PTPRD: variants seen among roughly 807,000 people sequenced by gnomAD.
PTPRD encodes protein tyrosine phosphatase receptor type D.
In PTPRD, 34 loss-of-function variants were observed where a neutral mutation model predicts 214.5. The observed-to-expected ratio is 0.16, with a 90% CI of 0.12 to 0.21. The LOEUF is 0.21. Ranked by LOEUF, PTPRD falls within the 10% of genes least tolerant of loss-of-function variation. The probability of loss-of-function intolerance (pLI) is 1.00; values close to 1 mark genes in which losing one functional copy is unlikely to be tolerated. For missense variants in PTPRD, 2,545 were observed against 2,398.7 expected, an observed-to-expected ratio of 1.06 and a Z score of -1.27; for synonymous variants, 1,128 against 845.7, an observed-to-expected ratio of 1.33 and a Z score of -5.79.
intron 9 of PTPRD, among the ~76,000 whole-genome samples, chr9:9,237,333 G>A (rs2099967457): frequency 2.6e-5 from 4 of 152,084 alleles, no homozygotes; most frequent in South Asian, 2.1e-4. Flanking sequence ...GGGAGGCCAA[G>A]GCAGGAGGAT....
At position 8,532,059 on chromosome 9, in the gene PTPRD, G is replaced by T. The variant is rs56280254; in HGVS notation, c.353-3280C>A. Among the ~76,000 whole-genome samples, 319 of 152,056 alleles carry T rather than the reference G, an allele frequency of 2.1e-3. 1 individual carries two copies. The highest frequency in any genetic ancestry group is 3.9e-3 in the Non-Finnish European group (267 of 67,970). ...TAATGGGACAGAAAATGTAAAGAGCGTTCCTTTCTTATTTTTAATAAGGGT... is the reference window on the plus strand; with the variant it reads ...TAATGGGACAGAAAATGTAAAGAGCTTTCCTTTCTTATTTTTAATAAGGGT... On this transcript the variant is annotated intron_variant, in intron 14 of 45. Coordinates refer to ENST00000381196, the MANE Select transcript of PTPRD (RefSeq NM_002839.4).
intron 3 of PTPRD, among the ~76,000 whole-genome samples, chr9:10,214,087 G>A (rs921807072): frequency 7.2e-5 from 11 of 152,040 alleles, no homozygotes; most frequent in African/African-American, 1.4e-4. Flanking sequence ...CATTTTACAC[G>A]TGAATTCTTA....
intron 36 of PTPRD, among the ~76,000 whole-genome samples, chr9:8,401,862 A>G (rs143942923): frequency 4.1e-4 from 63 of 152,274 alleles, no homozygotes; most frequent in African/African-American, 1.4e-3. Flanking sequence ...ACTCTCAACC[A>G]AAGTCACTTA....
intron 10 of PTPRD, among the ~76,000 whole-genome samples, chr9:9,172,416 C>T (rs2099922026): frequency 6.6e-6 from 1 of 152,138 alleles, no homozygotes; most frequent in Non-Finnish European, 1.5e-5. Flanking sequence ...TCTTCCTCCT[C>T]TCTTTACCTG....
chr9:8,950,747 G>A (rs1437001293), intron 11 of PTPRD, among the ~76,000 whole-genome samples: 9 of 150,280 alleles, frequency 6.0e-5, no homozygotes, highest in African/African-American at 1.7e-4. Flanking sequence ...ATCTAAGAGC[G>A]ATTCCTGACC....
chr9:9,364,776 G>C (rs1462108150), intron 9 of PTPRD, among the ~76,000 whole-genome samples: 3 of 151,524 alleles, frequency 2.0e-5, no homozygotes. Context: ...ATATGAAGCA[G>C]AGGGTTTTGA....
chr9:9,947,570 ATATATTATATATATAT>A (rs2092916994), intron 4 of PTPRD, among the ~76,000 whole-genome samples: 1 of 48,398 alleles, frequency 2.1e-5, no homozygotes, highest in Non-Finnish European at 3.3e-5. Flanking sequence ...TATTTTATAT[ATATATTATATATATAT>A]TATATATATA....
chr9:10,303,853 T>C (rs565885639), intron 3 of PTPRD, among the ~76,000 whole-genome samples: 1 of 152,208 alleles, frequency 6.6e-6, no homozygotes, highest in South Asian at 2.1e-4. Context: ...AGCTGGTACC[T>C]TTCTTTCTGA....
At chr9:8,909,262 T>C (rs1007301319) in intron 11 of PTPRD, among the ~76,000 whole-genome samples, 1 of 152,118 alleles carries the variant, frequency 6.6e-6, no homozygotes, top group African/African-American at 2.4e-5. Flanking sequence ...CATTCTATGA[T>C]GCTGGCATTA....
At chr9:10,320,282 G>C (rs1292461873) in intron 3 of PTPRD, among the ~76,000 whole-genome samples, 2 of 152,146 alleles carry the variant, frequency 1.3e-5, no homozygotes, top group East Asian at 3.9e-4. Context: ...TCTCAGACTT[G>C]CTTAAGTCAG....
chr9:9,247,414 G>T (rs1348999679), intron 9 of PTPRD, among the ~76,000 whole-genome samples: 1 of 151,920 alleles, frequency 6.6e-6, no homozygotes, highest in Non-Finnish European at 1.5e-5. Flanking sequence ...CATTCTGAAG[G>T]CTCCCACATC....
In PTPRD at chr9:8,934,460, T is replaced by TAA. The variant is rs1567098792; in HGVS notation, c.-104+84236_-104+84237insTT. Among the ~76,000 whole-genome samples the TAA allele has an allele frequency of 5.2e-3, 67 of 12,872 alleles. 2 individuals are homozygous for TAA. The highest frequency in any genetic ancestry group is 0.018 in the African/African-American group (41 of 2,270). 8.4% of individuals were successfully genotyped at this position (12,872 alleles called of 152,430 possible). A position where few individuals can be genotyped will look rare whatever the true frequency, so the allele number is the denominator to read the frequency against. On this transcript the variant is annotated intron_variant, in intron 11 of 45. Coordinates refer to ENST00000381196, the MANE Select transcript of PTPRD (RefSeq NM_002839.4). ...AAATATATATATAAATTTATATATATATAAATATATATATATAAATATATA... is the reference window on the plus strand; with the variant it reads ...AAATATATATATAAATTTATATATATAAATAAATATATATATATAAATATATA...
intron 2 of PTPRD, among the ~76,000 whole-genome samples, chr9:10,587,525 G>A (rs988662192): frequency 5.3e-5 from 8 of 152,118 alleles, no homozygotes; most frequent in African/African-American, 1.9e-4. Context: ...AAAGGGAGAT[G>A]CTAATATTTA....
chr9:9,638,201 T>C (rs1216452868), intron 7 of PTPRD, among the ~76,000 whole-genome samples: 3 of 152,214 alleles, frequency 2.0e-5, no homozygotes, highest in Non-Finnish European at 2.9e-5. Context: ...CAAATCTTCA[T>C]ATTTTGCTTC....
intron 9 of PTPRD, among the ~76,000 whole-genome samples, chr9:9,230,393 A>G (rs1019237184): frequency 6.6e-6 from 1 of 152,116 alleles, no homozygotes; most frequent in South Asian, 2.1e-4. Flanking sequence ...CATCTCTTCC[A>G]TCTGGCTGTT....
chr9:9,721,268 T>C (rs946507115), intron 7 of PTPRD, among the ~76,000 whole-genome samples: 3 of 152,176 alleles, frequency 2.0e-5, no homozygotes, highest in Non-Finnish European at 4.4e-5. Flanking sequence ...TTATAAAATG[T>C]ATGTTCATTC....
At chr9:8,754,159 T>C (rs996264622) in intron 11 of PTPRD, among the ~76,000 whole-genome samples, 2 of 152,100 alleles carry the variant, frequency 1.3e-5, no homozygotes, top group African/African-American at 2.4e-5. Context: ...AAAAGACTCA[T>C]TCTTATAACG....
chr9:10,339,881 G>A (rs1363193821), intron 3 of PTPRD, among the ~76,000 whole-genome samples: 1 of 151,546 alleles, frequency 6.6e-6, no homozygotes, highest in African/African-American at 2.4e-5. Flanking sequence ...TTTGAAAATT[G>A]AGCTTCAAAA....
intron 2 of PTPRD, among the ~76,000 whole-genome samples, chr9:10,502,925 T>C (rs1488794021): frequency 1.3e-5 from 2 of 152,042 alleles, no homozygotes; most frequent in African/African-American, 2.4e-5. Flanking sequence ...AAAACATACA[T>C]AGCAGAAAGC....
Sources: gnomAD v4.1 joint callset for allele counts (sites outside exome capture counted in the v4.1 genomes callset) on GRCh38, gnomAD v4.1.1 for gene constraint, MANE v1.5 for transcripts, NCBI Gene and HGNC (gene_info 2026-07-23, HGNC 2026-07-21) for gene names.